ZNF331: variants seen among roughly 807,000 people sequenced by gnomAD.
ZNF331 encodes the protein C2H2-like zinc finger protein rearranged in thyroid adenomas.
A neutral mutation model predicts 7.0 loss-of-function variants in ZNF331; 2 were observed. The observed-to-expected ratio is 0.29, with a 90% confidence interval of 0.12 to 0.90. The LOEUF (loss-of-function observed/expected upper bound fraction) is 0.90, where lower values mean the gene tolerates loss of function less well. Ranked by LOEUF, ZNF331 falls within the 40% of genes least tolerant of loss-of-function variation. ZNF331 has a pLI of 0.58. For synonymous variants in ZNF331, 196 were observed against 205.4 expected, an observed-to-expected ratio of 0.95 and a Z score of 0.39; for missense variants, 432 against 587.7, an observed-to-expected ratio of 0.74 and a Z score of 2.74.
the ZNF331 span, among the ~76,000 whole-genome samples, chr19:53,506,300 A>T: frequency 9.7e-6 from 1 of 102,638 alleles, no homozygotes; most frequent in Non-Finnish European, 1.9e-5. Context: ...GCGCCACCGC[A>T]CTCCAGCCTG....
chr19:53,567,113 T>C (rs1020465271), intron 3 of ZNF331, among the ~76,000 whole-genome samples: 5 of 152,186 alleles, frequency 3.3e-5, no homozygotes, highest in Non-Finnish European at 7.3e-5. Context: ...TTAAATATCT[T>C]TCTAACTTAA....
At chr19:53,521,473 T>A (rs572890062) in exon 1 of ZNF331, 1 of 152,458 alleles carries the variant, frequency 6.6e-6, no homozygotes. Flanking sequence ...CCGTGATGCA[T>A]GCGGGGTTGA....
chr19:53,524,268 G>C (rs1031024116), intron 2 of ZNF331, among the ~76,000 whole-genome samples: 11 of 152,066 alleles, frequency 7.2e-5, no homozygotes, highest in Admixed American at 5.2e-4. Context: ...TAATCTTTTG[G>C]GTATATACCC....
the ZNF331 span, chr19:53,512,344 G>C: frequency 1.3e-5 from 2 of 152,722 alleles, no homozygotes; most frequent in Non-Finnish European, 2.9e-5. Context: ...AAGCTGCTCT[G>C]GGGTCAGCGG....
chr19:53,529,257 G>A (rs141636062), intron 2 of ZNF331, among the ~76,000 whole-genome samples: 12,523 of 152,052 alleles, frequency 0.082, 580 homozygotes, highest in Non-Finnish European at 0.11. Context: ...AAAATTAGCC[G>A]GGCGTGGTGG....
chr19:53,577,374 G>C lies in ZNF331; in HGVS notation c.814G>C (p.Glu272Gln). Residue 272 changes from glutamate to glutamine, a missense_variant, in exon 6 of 6, where the codon GAG becomes CAG. Transcript: ENST00000449416. ...KRIHSGEKPY[E>Q]CKDCGKAFIC... is the part of the protein sequence containing the mutation. The stretch of plus-strand genomic sequence containing the variant: ...AATTCATAGTGGGGAGAAGCCTTAC[G>C]AGTGTAAAGACTGTGGGAAGGCTTT... 6.2e-7 allele frequency: 1 copy of C among 1,614,174 alleles called. No homozygotes were observed. Among genetic ancestry groups the C allele is most frequent in the Non-Finnish European group, 8.5e-7 (1 of 1,180,032 alleles).
intron 5 of ZNF331, among the ~76,000 whole-genome samples, chr19:53,572,361 A>G (rs367588855): frequency 6.6e-6 from 1 of 151,784 alleles, no homozygotes; most frequent in Non-Finnish European, 1.5e-5. Context: ...GTCTGTGGTG[A>G]CCCTGCCTGT....
chr19:53,562,123 G>A (rs531661157), intron 3 of ZNF331, among the ~76,000 whole-genome samples: 1 of 152,192 alleles, frequency 6.6e-6, no homozygotes, highest in East Asian at 1.9e-4. Flanking sequence ...ATTCCAGCCT[G>A]GATGGTAGAA....
upstream of ZNF331, chr19:53,520,998 T>A (rs7257883): frequency 0.55 from 83,058 of 151,694 alleles, 23,462 homozygotes; most frequent in African/African-American, 0.7. Flanking sequence ...TTCTCTGGTT[T>A]CGCATTACAT....
chr19:53,533,837 C>T (rs951125598), upstream of ZNF331, among the ~76,000 whole-genome samples: 1 of 152,164 alleles, frequency 6.6e-6, no homozygotes, highest in Non-Finnish European at 1.5e-5. Context: ...GGCGACAACT[C>T]ACCATGCAGT....
chr19:53,540,774 T>G (rs1401111122), intron 2 of ZNF331, among the ~76,000 whole-genome samples: 2 of 53,104 alleles, frequency 3.8e-5, no homozygotes, highest in East Asian at 6.3e-4. Context: ...TGCTGGCTTC[T>G]AGACACTGCC....
intron 2 of ZNF331, among the ~76,000 whole-genome samples, chr19:53,550,471 A>C (rs1356289637): frequency 1.4e-5 from 2 of 141,652 alleles, no homozygotes; most frequent in Non-Finnish European, 3.1e-5. Flanking sequence ...GACTAATTTT[A>C]TTATATAATG....
chr19:53,534,253 G>A (rs2087652627), upstream of ZNF331, among the ~76,000 whole-genome samples: 1 of 152,032 alleles, frequency 6.6e-6, no homozygotes, highest in Non-Finnish European at 1.5e-5. Context: ...GCCTTTCCCA[G>A]CTTCTAGAGG....
chr19:53,544,342 G>A (rs571950926), intron 2 of ZNF331, among the ~76,000 whole-genome samples: 14 of 151,200 alleles, frequency 9.3e-5, no homozygotes, highest in South Asian at 4.2e-4. Context: ...TCAGGAGATG[G>A]AGACCATCCT....
intron 3 of ZNF331, among the ~76,000 whole-genome samples, chr19:53,567,638 G>C (rs1351006547): frequency 6.6e-6 from 1 of 151,968 alleles, no homozygotes; most frequent in African/African-American, 2.4e-5. Flanking sequence ...CTTGAGGCCA[G>C]GAGTTCAAGA....
At chr19:53,541,685 T>A (rs2088187188) in intron 2 of ZNF331, among the ~76,000 whole-genome samples, 1 of 152,132 alleles carries the variant, frequency 6.6e-6, no homozygotes, top group Non-Finnish European at 1.5e-5. Flanking sequence ...AAGGAGCCCT[T>A]AAAGAAGAAT....
In ZNF331 at chr19:53,571,286, T is replaced by C. The variant is rs1800601599; in HGVS notation, c.10-318T>C. On this transcript the variant is annotated intron_variant, in intron 4 of 5. Coordinates refer to ENST00000449416, the MANE Select transcript of ZNF331 (RefSeq NM_001079906.2). The surrounding 1 kb of genome is among the most constrained non-coding windows in gnomAD (Gnocchi z 4.7). Reference sequence around the variant, plus strand: ...TAGGAATCCACACTTGTTGAGAACTTATAAGGCAGGCACGTAGCAGACACT... The same window carrying C: ...TAGGAATCCACACTTGTTGAGAACTCATAAGGCAGGCACGTAGCAGACACT... 1.3e-5 allele frequency among the ~76,000 whole-genome samples: 2 copies of C among 152,180 alleles called. No individual in the cohort carries two copies. The highest frequency in any genetic ancestry group is 4.8e-5 in the African/African-American group (2 of 41,438).
At chr19:53,529,859 G>T (rs4346298) in intron 2 of ZNF331, among the ~76,000 whole-genome samples, 39,879 of 151,964 alleles carry the variant, frequency 0.26, 6,192 homozygotes, top group African/African-American at 0.43. Flanking sequence ...CTGTGATCAC[G>T]GACTGTGGGG....
At chr19:53,503,406 G>T in the ZNF331 span, 7 of 528,306 alleles carry the variant, frequency 1.3e-5, no homozygotes, top group Non-Finnish European at 2.4e-5. Context: ...CTGCTGGGAT[G>T]TGGCCATGGG....
Sources: gnomAD v4.1 joint callset for allele counts (sites outside exome capture counted in the v4.1 genomes callset) on GRCh38, gnomAD v4.1.1 for gene constraint, Gnocchi (gnomAD v3.1) non-coding constraint, MANE v1.5 for transcripts, NCBI Gene and HGNC (gene_info 2026-07-23, HGNC 2026-07-21) for gene names.